KIAA0930: variants seen among roughly 807,000 people sequenced by gnomAD.
KIAA0930 encodes KIAA0930, also known as uncharacterized protein KIAA0930.
Under a neutral mutation model 43.9 loss-of-function variants are expected in KIAA0930, and 24 were observed. The ratio of observed to expected loss-of-function variants is 0.55; its 90% confidence interval spans 0.40 to 0.77. KIAA0930 has a LOEUF of 0.77. Ranked by LOEUF, KIAA0930 falls within the 30% of genes least tolerant of loss-of-function variation. The pLI, the probability that KIAA0930 is intolerant of heterozygous loss-of-function variation, is 0.00. For synonymous variants in KIAA0930, 259 were observed against 216.4 expected, an observed-to-expected ratio of 1.20 and a Z score of -1.73; for missense variants, 461 against 574.2, an observed-to-expected ratio of 0.80 and a Z score of 2.02.
At chr22:45,207,835 G>A (rs529315543) in intron 2 of KIAA0930, 196 of 169,496 alleles carry the variant, frequency 1.2e-3, no homozygotes, top group African/African-American at 4.5e-3. Context: ...TCCCCGGGTC[G>A]GGGGGCCCCA....
intron 1 of KIAA0930, among the ~76,000 whole-genome samples, chr22:45,228,775 C>CACCACTCACCCGAAAGATCCCTCTCCA (rs1601824851): frequency 5.5e-4 from 2 of 3,644 alleles, no homozygotes; most frequent in Non-Finnish European, 9.8e-4. Context: ...CCCTCCCCAT[C>CACCACTCACCCGAAAGATCCCTCTCCA]CCCCCCAACC....
At chr22:45,197,262 G>T in intron 9 of KIAA0930, 46 bp from the exon 10 acceptor site, 1 of 1,522,644 alleles carries the variant, frequency 6.6e-7, no homozygotes, top group Non-Finnish European at 8.9e-7. Flanking sequence ...ACCCTCAACA[G>T]CGGTGAGTGC....
intron 1 of KIAA0930, among the ~76,000 whole-genome samples, chr22:45,217,245 C>T (rs1314773465): frequency 6.6e-6 from 1 of 151,258 alleles, no homozygotes; most frequent in Non-Finnish European, 1.5e-5. Flanking sequence ...CCTGTAATCC[C>T]AGCTATTTGG....
At chr22:45,210,205 G>C (rs753658609) in intron 2 of KIAA0930, among the ~76,000 whole-genome samples, 4 of 152,186 alleles carry the variant, frequency 2.6e-5, no homozygotes, top group African/African-American at 7.2e-5. Context: ...CCAACATTTG[G>C]GGGTGGGAGA....
Position 45,193,379 on chromosome 22 carries a change from T to C in KIAA0930, c.*3797A>G. On this transcript the variant is annotated 3_prime_UTR_variant, in exon 10 of 10. Coordinates refer to ENST00000336156, the MANE Select transcript of KIAA0930 (RefSeq NM_001009880.2). Reference sequence around the variant, plus strand: ...ATTAGGACATGGTCCAGGCAGTCATTAGAATATACTGGCTGCACAGGGCCT... The same window carrying C: ...ATTAGGACATGGTCCAGGCAGTCATCAGAATATACTGGCTGCACAGGGCCT... The C allele has an allele frequency of 6.6e-6, 1 of 152,214 alleles. No homozygotes were observed. The highest frequency in any genetic ancestry group is 1.9e-4 in the East Asian group (1 of 5,198). 9.4% of individuals were successfully genotyped at this position (152,214 alleles called of 1,614,324 possible). A position where few individuals can be genotyped will look rare whatever the true frequency, so the allele number is the denominator to read the frequency against.
At chr22:45,202,920 A>G in intron 7 of KIAA0930, 70 bp downstream of exon 7, 4 of 1,341,564 alleles carry the variant, frequency 3.0e-6, no homozygotes, top group South Asian at 1.4e-5. Flanking sequence ...GGGGGCCGTG[A>G]GCACGGGGGA....
chr22:45,197,167 C>T lies in KIAA0930; in HGVS notation c.*9G>A, dbSNP rs145295487. 4.7e-5 allele frequency: 72 copies of T among 1,547,216 alleles called. No homozygotes were observed. The highest frequency in any genetic ancestry group is 5.9e-5 in the Non-Finnish European group (68 of 1,144,822). ...CCCGGCCGGGGCTCTGCGCAGGCTC[C>T]GCACGCGGCTAGGTCATCAGGATGG... On this transcript the variant is annotated 3_prime_UTR_variant, in exon 10 of 10. Transcript: ENST00000336156.
chr22:45,197,952 G>A lies in KIAA0930; in HGVS notation c.1016-4C>T, dbSNP rs2083552464. ...TTGGTTGCATTGTGCAGATCGGCTG[G>A]AGGAAAGAAGGCCAGGTCAAGGCCC... is the stretch of plus-strand genomic sequence containing the variant. On this transcript the variant is annotated splice_polypyrimidine_tract_variant and splice_region_variant and intron_variant, in intron 8 of 9. Coordinates refer to ENST00000336156, the MANE Select transcript of KIAA0930 (RefSeq NM_001009880.2). 3 of 1,613,746 alleles carry A rather than the reference G, an allele frequency of 1.9e-6. No individual in the cohort carries two copies. The highest frequency in any genetic ancestry group is 2.5e-6 in the Non-Finnish European group (3 of 1,179,784).
chr22:45,198,114 C>T (rs2083554067), intron 8 of KIAA0930, 166 bp from the exon 9 acceptor site: 13 of 635,782 alleles, frequency 2.0e-5, no homozygotes, highest in South Asian at 1.2e-4. Flanking sequence ...GCTGCCTCCT[C>T]GCCTGTAACA....
At position 45,240,695 on chromosome 22, in the gene KIAA0930, A is replaced by T. The variant is rs1177342660; in HGVS notation, c.9T>A (p.Arg3=). ML[R]AIAEERGRLS... The stretch of plus-strand genomic sequence containing the variant: ...GACGGCCGCGCTCCTCCGCTATGGC[A>T]CGCAGCATGTGCTGCAGCGAGCGCT... The change falls in exon 1 of 10, where the codon CGT becomes CGA. Residue 3 remains arginine (R), a synonymous_variant. Transcript: ENST00000336156. 3 of 1,400,742 alleles carry T rather than the reference A, an allele frequency of 2.1e-6. No individual in the cohort carries two copies. Among genetic ancestry groups the T allele is most frequent in the Non-Finnish European group, 1.8e-6 (2 of 1,087,038 alleles). The allele number at this position is 1,400,742 out of a possible 1,614,324, so 86.8% of individuals were successfully genotyped here. A position where few individuals can be genotyped will look rare whatever the true frequency, so the allele number is the denominator to read the frequency against.
intron 1 of KIAA0930, among the ~76,000 whole-genome samples, chr22:45,227,597 G>T (rs1014471896): frequency 1.3e-5 from 2 of 152,114 alleles, no homozygotes; most frequent in African/African-American, 4.8e-5. Context: ...CTGCCAACAG[G>T]GACAACACCC....
intron 2 of KIAA0930, 63 bp from the exon 3 acceptor site, chr22:45,205,975 A>G (rs1362147011): frequency 1.7e-5 from 27 of 1,593,964 alleles, no homozygotes; most frequent in Non-Finnish European, 2.1e-5. Context: ...TTCTTCCCTG[A>G]CTACTATGCA....
chr22:45,235,882 C>T (rs1230186265), intron 1 of KIAA0930, among the ~76,000 whole-genome samples: 2 of 152,164 alleles, frequency 1.3e-5, no homozygotes, highest in Non-Finnish European at 2.9e-5. Flanking sequence ...CCACTAAAGG[C>T]CCCCCGGCCC....
In KIAA0930 at chr22:45,192,630, G is replaced by A. The variant is rs1207164323; in HGVS notation, c.*4546C>T. ...GAGCGGGGACTAAAGGGGCAGGGCG[G>A]GGAAGAAAGCGAGCGTGTCGCGGGC... On this transcript the variant is annotated 3_prime_UTR_variant, in exon 10 of 10. Transcript: ENST00000336156. The A allele has an allele frequency of 6.6e-6, 1 of 152,256 alleles. No homozygotes were observed. Among genetic ancestry groups the A allele is most frequent in the Non-Finnish European group, 1.5e-5 (1 of 68,048 alleles). The allele number at this position is 152,256 out of a possible 1,614,324, so 9.4% of individuals were successfully genotyped here.
At chr22:45,236,726 C>A (rs2083890729) in intron 1 of KIAA0930, among the ~76,000 whole-genome samples, 1 of 152,168 alleles carries the variant, frequency 6.6e-6, no homozygotes, top group Admixed American at 6.5e-5. Context: ...CACCTTACTT[C>A]CCCCCAACCT....
chr22:45,211,185 G>T, intron 2 of KIAA0930: 1 of 378,232 alleles, frequency 2.6e-6, no homozygotes. Flanking sequence ...CGGAGTTACA[G>T]AGCCAGGCAG....
At chr22:45,233,716 G>A (rs1302728324) in intron 1 of KIAA0930, among the ~76,000 whole-genome samples, 1 of 152,158 alleles carries the variant, frequency 6.6e-6, no homozygotes, top group South Asian at 2.1e-4. Context: ...GCCCTCTTAG[G>A]AAGCTGAGTG....
intron 7 of KIAA0930, among the ~76,000 whole-genome samples, chr22:45,201,738 A>G (rs537645843): frequency 6.6e-6 from 1 of 152,310 alleles, no homozygotes; most frequent in South Asian, 2.1e-4. Flanking sequence ...TCATTGCAGA[A>G]GATACCTCCC....
At chr22:45,208,967 C>G (rs1394777701) in intron 2 of KIAA0930, among the ~76,000 whole-genome samples, 1 of 152,228 alleles carries the variant, frequency 6.6e-6, no homozygotes, top group Non-Finnish European at 1.5e-5. Flanking sequence ...CCCCCTCCTG[C>G]CAAAGGCACA....
Sources: gnomAD v4.1 joint callset for allele counts (sites outside exome capture counted in the v4.1 genomes callset) on GRCh38, gnomAD v4.1.1 for gene constraint, MANE v1.5 for transcripts, NCBI Gene and HGNC (gene_info 2026-07-23, HGNC 2026-07-21) for gene names.